The following EDA variants were observed in gnomAD, a reference collection of about 807,000 sequenced individuals.
EDA encodes the protein ectodysplasin-A.
A neutral mutation model predicts 23.6 loss-of-function variants in EDA; 2 were observed. The ratio of observed to expected loss-of-function variants is 0.08; its 90% CI spans 0.03 to 0.27. The LOEUF (loss-of-function observed/expected upper bound fraction) is 0.27. Among genes scored for constraint, EDA ranks in the 10% least tolerant of loss-of-function variants. The pLI is 1.00. For synonymous variants in EDA, 131 were observed against 132.0 expected, an observed-to-expected ratio of 0.99 and a Z score of 0.05; for missense variants, 229 against 324.2, an observed-to-expected ratio of 0.71 and a Z score of 2.26.
rs116074473 is a variant in EDA, at chrX:69,802,116, C to T, written c.397-154911C>T. 5.7e-3 allele frequency among the ~76,000 whole-genome samples: 627 copies of T among 110,071 alleles called. 4 individuals carry two copies. The highest frequency in any genetic ancestry group is 0.017 in the African/African-American group (530 of 30,420). On this transcript the variant is annotated intron_variant, in intron 1 of 7. Transcript: ENST00000374552. ...AAATTGGAAACAACTTAAATCCCCA[C>T]GAGCAAGGGAATAAATAAATTATGG...
At chrX:69,929,356 A>G (rs2018564872) in intron 1 of EDA, among the ~76,000 whole-genome samples, 1 of 111,683 alleles carries the variant, frequency 9.0e-6, no homozygotes, top group Non-Finnish European at 1.9e-5. Context: ...AAAGCTATTA[A>G]AAGCATTCTT....
intron 1 of EDA, among the ~76,000 whole-genome samples, chrX:69,676,198 G>A (rs1226416001): frequency 9.0e-6 from 1 of 111,420 alleles, no homozygotes; most frequent in Non-Finnish European, 1.9e-5. Context: ...GGAGGGGCTT[G>A]AGCAAAGGGG....
At chrX:69,960,457 G>A (rs1332227244) in intron 2 of EDA, among the ~76,000 whole-genome samples, 1 of 111,109 alleles carries the variant, frequency 9.0e-6, no homozygotes, top group Non-Finnish European at 1.9e-5. Context: ...GTTTAGTTAG[G>A]CTTGTTAAAT....
Position 69,619,663 on chromosome X carries a change from C to T in EDA, c.396+2959C>T, listed in dbSNP as rs186282783. ...GAGCAACCAAGTAGCTGAGATTTGTCTGGATAGTTGGTGGAGATTATCTCA... is the reference window on the plus strand; with the variant it reads ...GAGCAACCAAGTAGCTGAGATTTGTTTGGATAGTTGGTGGAGATTATCTCA... On this transcript the variant is annotated intron_variant, in intron 1 of 7. Coordinates refer to ENST00000374552, the MANE Select transcript of EDA (RefSeq NM_001399.5). 7.2e-3 allele frequency among the ~76,000 whole-genome samples: 804 copies of T among 111,808 alleles called. 3 individuals carry two copies. Among genetic ancestry groups the T allele is most frequent in the Non-Finnish European group, 0.013 (681 of 53,103 alleles).
intron 1 of EDA, among the ~76,000 whole-genome samples, chrX:69,810,485 G>A (rs6624435): frequency 0.17 from 18,090 of 105,298 alleles, 2,425 homozygotes; most frequent in East Asian, 0.71. Flanking sequence ...GGCTGGGCAC[G>A]GTGGCTCACA....
chrX:69,932,675 A>T (rs936527280), intron 1 of EDA, among the ~76,000 whole-genome samples: 27 of 110,987 alleles, frequency 2.4e-4, no homozygotes, highest in African/African-American at 7.0e-4. Flanking sequence ...CATAGTTTTT[A>T]AAAATATGAA....
chrX:69,655,737 C>T (rs1933288079), intron 1 of EDA, among the ~76,000 whole-genome samples: 1 of 68,927 alleles, frequency 1.5e-5, no homozygotes, highest in South Asian at 8.4e-4. Flanking sequence ...AGAAAGTTCT[C>T]CACTATTATT....
intron 1 of EDA, among the ~76,000 whole-genome samples, chrX:69,920,978 ATT>A (rs2018422992): frequency 3.6e-5 from 4 of 109,648 alleles, no homozygotes; most frequent in African/African-American, 1.3e-4. Flanking sequence ...TTATTTATTT[ATT>A]TATTTATGTC....
At chrX:70,010,721 C>A (rs994793689) in intron 2 of EDA, among the ~76,000 whole-genome samples, 3 of 111,750 alleles carry the variant, frequency 2.7e-5, no homozygotes, top group African/African-American at 9.8e-5. Context: ...GTTTAATGGA[C>A]CTACAGTTCC....
At chrX:70,011,802 C>A (rs1446723838) in intron 2 of EDA, among the ~76,000 whole-genome samples, 1 of 111,498 alleles carries the variant, frequency 9.0e-6, no homozygotes, top group Non-Finnish European at 1.9e-5. Context: ...GATGGTTTCA[C>A]TGGATACAAA....
rs1200526753 is a variant in EDA at position 69,936,228 on chromosome X, T to TA, written c.397-20792dup. 1.8e-5 allele frequency among the ~76,000 whole-genome samples: 2 copies of TA among 110,263 alleles called. 1 individual carries two copies. The highest frequency in any genetic ancestry group is 3.8e-5 in the Non-Finnish European group (2 of 52,677). On this transcript the variant is annotated intron_variant, in intron 1 of 7. Coordinates refer to ENST00000374552, the MANE Select transcript of EDA (RefSeq NM_001399.5). ...AGCATCATAAGTATGGCTACGAAAT[T>TA]AAAAAAACAAGGGTAAACAGTGATG...
At chrX:69,781,683 T>C (rs1602398102) in intron 1 of EDA, among the ~76,000 whole-genome samples, 1 of 111,210 alleles carries the variant, frequency 9.0e-6, no homozygotes, top group East Asian at 2.8e-4. Flanking sequence ...CGTATGACTT[T>C]CCGAAGTGGC....
At chrX:69,861,303 AC>A (rs768255895) in intron 1 of EDA, 12 of 155,687 alleles carry the variant, frequency 7.7e-5, no homozygotes, top group Non-Finnish European at 1.4e-4. Context: ...CATGATACAA[AC>A]CAGCAGGGGA....
chrX:69,976,700 T>C (rs1399669388), intron 2 of EDA, among the ~76,000 whole-genome samples: 2 of 109,503 alleles, frequency 1.8e-5, no homozygotes, highest in Non-Finnish European at 3.8e-5. Flanking sequence ...ACAAGGTGGA[T>C]CTATTTCTCT....
In EDA at chrX:69,616,286, G is replaced by A. The variant is rs1569271858; in HGVS notation, c.-23G>A. 2.6e-6 allele frequency: 3 copies of A among 1,170,412 alleles called. No homozygotes were observed. Among genetic ancestry groups the A allele is most frequent in the South Asian group, 1.9e-5 (1 of 53,969 alleles). ...AGACGCAGCGGCTCCCGGGCCTCAA[G>A]AGAGTGGGTGTCTCCGGAGGCCATG... is the stretch of plus-strand genomic sequence containing the variant. On this transcript the variant is annotated 5_prime_UTR_variant, in exon 1 of 8. Coordinates refer to ENST00000374552, the MANE Select transcript of EDA (RefSeq NM_001399.5).
intron 1 of EDA, among the ~76,000 whole-genome samples, chrX:69,922,777 TA>T (rs761366879): frequency 1.8e-5 from 2 of 112,084 alleles, no homozygotes; most frequent in Non-Finnish European, 3.8e-5. Flanking sequence ...AAGCATCCAC[TA>T]AAGTGAATGC....
Position 69,616,425 on chromosome X carries a change from C to T in EDA, c.117C>T (p.Ser39=). The T allele has an allele frequency of 8.3e-7, 1 of 1,211,477 alleles. No individual in the cohort carries two copies. The highest frequency in any genetic ancestry group is 1.1e-6 in the Non-Finnish European group (1 of 895,437). The part of the protein sequence containing the change: ...GAPARAGEGN[S]CLLFLGFFGL... ...CTGCCCGGGCGGGCGAAGGGAACAG[C>T]TGCCTGCTCTTCCTGGGTTTCTTTG... The change falls in exon 1 of 8, where the codon AGC becomes AGT. Residue 39 remains serine, a synonymous_variant. Transcript: ENST00000374552.
intron 1 of EDA, among the ~76,000 whole-genome samples, chrX:69,948,116 A>G (rs761575593): frequency 8.9e-6 from 1 of 112,418 alleles, no homozygotes; most frequent in South Asian, 3.7e-4. Context: ...GCATTATTTG[A>G]TAAATGTGAG....
chrX:69,803,597 T>C (rs1362621314), intron 1 of EDA, among the ~76,000 whole-genome samples: 1 of 111,601 alleles, frequency 9.0e-6, no homozygotes, highest in African/African-American at 3.2e-5. Context: ...GTCGCCGTAA[T>C]GTATGGTGAT....
Sources: gnomAD v4.1 joint callset for allele counts (sites outside exome capture counted in the v4.1 genomes callset) on GRCh38, gnomAD v4.1.1 for gene constraint, MANE v1.5 for transcripts, NCBI Gene and HGNC (gene_info 2026-07-23, HGNC 2026-07-21) for gene names.